NALF1: variants seen among roughly 807,000 people sequenced by gnomAD.
The protein encoded by NALF1 is family with sequence similarity 155 member A.
NALF1 carries 3 observed loss-of-function variants against 48.4 expected under a neutral mutation model. That is an observed-to-expected ratio of 0.06 (90% CI 0.03 to 0.16). The LOEUF (loss-of-function observed/expected upper bound fraction) is 0.16, where lower values mean the gene tolerates loss of function less well. NALF1 is among the 10% of genes least tolerant of loss of function. The probability of loss-of-function intolerance (pLI) is 1.00; values close to 1 mark genes in which losing one functional copy is unlikely to be tolerated. For synonymous variants in NALF1, 262 were observed against 245.7 expected, an observed-to-expected ratio of 1.07 and a Z score of -0.62; for missense variants, 526 against 571.5, an observed-to-expected ratio of 0.92 and a Z score of 0.81.
At chr13:107,344,317 C>T (rs1047831911) in intron 1 of NALF1, among the ~76,000 whole-genome samples, 4 of 152,074 alleles carry the variant, frequency 2.6e-5, no homozygotes, top group Admixed American at 1.3e-4. Context: ...GAGGAGGGAA[C>T]ACTTCCAAAT....
At chr13:107,225,390 C>T (rs1314592806) in intron 1 of NALF1, among the ~76,000 whole-genome samples, 1 of 152,096 alleles carries the variant, frequency 6.6e-6, no homozygotes, top group African/African-American at 2.4e-5. Flanking sequence ...GATCTTTCTG[C>T]CTCAGCCTCC....
intron 1 of NALF1, among the ~76,000 whole-genome samples, chr13:107,782,691 G>A (rs1272250203): frequency 2.7e-5 from 4 of 150,864 alleles, no homozygotes; most frequent in African/African-American, 9.8e-5. Flanking sequence ...TGTGGGGAGT[G>A]CCTTTGCCCC....
intron 1 of NALF1, among the ~76,000 whole-genome samples, chr13:107,271,628 T>A (rs537695074): frequency 6.6e-6 from 1 of 151,532 alleles, no homozygotes; most frequent in South Asian, 2.1e-4. Context: ...AGCAGTTAAG[T>A]TTGTGATAAT....
intron 1 of NALF1, among the ~76,000 whole-genome samples, chr13:107,698,552 T>C (rs1187286359): frequency 1.3e-5 from 2 of 152,156 alleles, no homozygotes; most frequent in African/African-American, 2.4e-5. Flanking sequence ...GATTTACATG[T>C]ATATAGAATA....
chr13:107,655,938 C>T (rs963799421), intron 1 of NALF1, among the ~76,000 whole-genome samples: 5 of 151,926 alleles, frequency 3.3e-5, no homozygotes, highest in African/African-American at 7.2e-5. Context: ...AAATGGTCCT[C>T]GGATAATTGG....
chr13:107,236,767 T>C (rs1880358463), intron 1 of NALF1, among the ~76,000 whole-genome samples: 1 of 152,040 alleles, frequency 6.6e-6, no homozygotes, highest in African/African-American at 2.4e-5. Flanking sequence ...TATCTGTGAA[T>C]TCTGCATCCA....
chr13:107,602,961 C>T (rs1334851026), intron 1 of NALF1, among the ~76,000 whole-genome samples: 1 of 152,112 alleles, frequency 6.6e-6, no homozygotes, highest in African/African-American at 2.4e-5. Context: ...AGTGGAAAAA[C>T]GGACAGGGCA....
intron 1 of NALF1, among the ~76,000 whole-genome samples, chr13:107,344,087 T>A (rs899198260): frequency 1.3e-5 from 2 of 151,964 alleles, no homozygotes; most frequent in East Asian, 1.9e-4. Context: ...TGGAATAGCC[T>A]AAAAAAATGG....
chr13:107,701,135 G>A (rs1338358747), intron 1 of NALF1, among the ~76,000 whole-genome samples: 1 of 152,130 alleles, frequency 6.6e-6, no homozygotes, highest in Non-Finnish European at 1.5e-5. Flanking sequence ...TCTTTGGGGT[G>A]CATACCCAAA....
chr13:107,853,095 T>C (rs1412735763), intron 1 of NALF1, among the ~76,000 whole-genome samples: 2 of 152,212 alleles, frequency 1.3e-5, no homozygotes, highest in African/African-American at 4.8e-5. Context: ...TCTACTCTAG[T>C]CATCACATGG....
chr13:107,345,399 T>C (rs1882753733), intron 1 of NALF1, among the ~76,000 whole-genome samples: 1 of 152,136 alleles, frequency 6.6e-6, no homozygotes, highest in East Asian at 1.9e-4. Flanking sequence ...TTTCTGATTT[T>C]GAAACACATT....
intron 1 of NALF1, among the ~76,000 whole-genome samples, chr13:107,828,565 T>TTCTA (rs56379915): frequency 0.083 from 11,213 of 135,796 alleles, 567 homozygotes; most frequent in East Asian, 0.15. Context: ...TCATATTAAA[T>TTCTA]TCTATCTATC....
chr13:107,837,300 T>C (rs893348885), intron 1 of NALF1, among the ~76,000 whole-genome samples: 8 of 152,200 alleles, frequency 5.3e-5, no homozygotes, highest in Non-Finnish European at 1.2e-4. Context: ...TAATGTATTG[T>C]TAAGGAAAAG....
chr13:107,339,138 G>A (rs78598279), intron 1 of NALF1, among the ~76,000 whole-genome samples: 277 of 121,032 alleles, frequency 2.3e-3, no homozygotes, highest in African/African-American at 6.6e-3. Context: ...TGTCTCAGAA[G>A]AAAAAAAAAA....
intron 1 of NALF1, among the ~76,000 whole-genome samples, chr13:107,285,427 T>C (rs761220184): frequency 1.3e-5 from 2 of 152,216 alleles, no homozygotes; most frequent in Non-Finnish European, 2.9e-5. Flanking sequence ...CAGGACAGCA[T>C]GGCTGTTCTT....
intron 1 of NALF1, among the ~76,000 whole-genome samples, chr13:107,325,694 A>G (rs1329679214): frequency 6.6e-6 from 1 of 151,274 alleles, no homozygotes; most frequent in Non-Finnish European, 1.5e-5. Context: ...TGCAAAAATG[A>G]GCTCAGCATG....
At chr13:107,684,542 G>A (rs1306460288) in intron 1 of NALF1, among the ~76,000 whole-genome samples, 1 of 152,136 alleles carries the variant, frequency 6.6e-6, no homozygotes, top group Non-Finnish European at 1.5e-5. Context: ...GGACTCTGGG[G>A]ATAGAGTGGG....
rs1055125678 is a variant in NALF1, at chr13:107,362,536, C to T, written c.916-151781G>A. Among the ~76,000 whole-genome samples the T allele has an allele frequency of 1.5e-4, 23 of 152,106 alleles. No individual in the cohort carries two copies. The highest frequency in any genetic ancestry group is 6.6e-4 in the Admixed American group (10 of 15,258). ...GGCATTCTCCTGTGTGTCCTCGTCG[C>T]GGGGCATTCTCCTCTCCTTATATCA... is the stretch of plus-strand genomic sequence containing the variant. On this transcript the variant is annotated intron_variant, in intron 1 of 2. Coordinates refer to ENST00000375915, the MANE Select transcript of NALF1 (RefSeq NM_001080396.3). The surrounding 1 kb of genome is among the most constrained non-coding windows in gnomAD (Gnocchi z 4.6).
chr13:107,319,683 T>C (rs985182355), intron 1 of NALF1, among the ~76,000 whole-genome samples: 2 of 152,122 alleles, frequency 1.3e-5, no homozygotes, highest in Non-Finnish European at 2.9e-5. Context: ...TACAGATGAA[T>C]AAATAGGAGT....
Sources: allele counts gnomAD v4.1 joint callset (sites outside exome capture counted in the v4.1 genomes callset), GRCh38; gene constraint gnomAD v4.1.1; non-coding constraint Gnocchi (gnomAD v3.1); transcripts MANE v1.5; gene names NCBI Gene and HGNC (gene_info 2026-07-23, HGNC 2026-07-21).